The following USP48 variants were observed in gnomAD, a reference collection of about 807,000 sequenced individuals.
The protein encoded by USP48 is ubiquitin carboxyl-terminal hydrolase 48.
USP48 carries 43 observed loss-of-function variants against 150.7 expected under a neutral mutation model. The observed-to-expected ratio is 0.29, with a 90% confidence interval of 0.22 to 0.37. USP48 has a LOEUF of 0.37. Ranked by LOEUF, USP48 falls within the 10% of genes least tolerant of loss-of-function variation. The probability of loss-of-function intolerance (pLI) is 1.00; values close to 1 mark genes in which losing one functional copy is unlikely to be tolerated. For missense variants in USP48, 813 were observed against 1,249.6 expected (o/e 0.65, Z 5.27); for synonymous variants, 396 against 425.9 (o/e 0.93, Z 0.86).
At position 21,705,823 on chromosome 1, in the gene USP48, C is replaced by T. The variant is rs368591171; in HGVS notation, c.2288G>A (p.Cys763Tyr). The change falls in exon 19 of 27, where the codon TGC becomes TAC. Residue 763 changes from cysteine to tyrosine, a missense_variant. Physicochemically the swap from Cys to Tyr is radical, Grantham distance 194. Transcript: ENST00000308271. ...GTTCCCAACTGATGACACAGGGCTGCATCTTGTAGGCTTTCTACTCAAATG... is the reference window on the plus strand; with the variant it reads ...GTTCCCAACTGATGACACAGGGCTGTATCTTGTAGGCTTTCTACTCAAATG... ...WRKFVRKPTR[C>Y]SPVSSVGNSA... is the part of the protein sequence containing the mutation. 6.2e-7 allele frequency: 1 copy of T among 1,603,936 alleles called. No individual in the cohort carries two copies. Among genetic ancestry groups the T allele is most frequent in the Non-Finnish European group, 8.5e-7 (1 of 1,176,872 alleles).
intron 12 of USP48, among the ~76,000 whole-genome samples, chr1:21,723,195 T>C (rs1234668634): frequency 2.6e-5 from 4 of 152,024 alleles, no homozygotes; most frequent in Admixed American, 6.6e-5. Flanking sequence ...ATAAACTAAG[T>C]AACCATCTAC....
intron 25 of USP48, among the ~76,000 whole-genome samples, chr1:21,684,298 T>C (rs2097574898): frequency 1.3e-5 from 2 of 152,250 alleles, no homozygotes; most frequent in African/African-American, 2.4e-5. Flanking sequence ...TTACATGTTA[T>C]TGTCTTTTTG....
rs1375826023 is a variant in USP48, at chr1:21,753,085, C to T, written c.447G>A (p.Gln149=). The T allele has an allele frequency of 6.2e-7, 1 of 1,610,386 alleles. No individual in the cohort carries two copies. The highest frequency in any genetic ancestry group is 1.3e-5 in the African/African-American group (1 of 74,808). The change falls in exon 4 of 27, where the codon CAG becomes CAA. Residue 149 remains glutamine, a synonymous_variant. Transcript: ENST00000308271. ...YEPQTICEHL[Q]YLFALLQNSN... ...TGTTTTGCAACAAGGCAAACAAGTACTGGAGATGCTCACAAATTGTTTGAG... is the reference window on the plus strand; with the variant it reads ...TGTTTTGCAACAAGGCAAACAAGTATTGGAGATGCTCACAAATTGTTTGAG...
intron 14 of USP48, among the ~76,000 whole-genome samples, chr1:21,719,630 C>T (rs893665222): frequency 6.6e-6 from 1 of 152,088 alleles, no homozygotes; most frequent in Non-Finnish European, 1.5e-5. Context: ...GTGGCTCACG[C>T]CTGTAATCCC....
chr1:21,700,658 G>C (rs2097652829), intron 22 of USP48, among the ~76,000 whole-genome samples: 1 of 152,318 alleles, frequency 6.6e-6, no homozygotes, highest in East Asian at 1.9e-4. Context: ...ATAAAACTTT[G>C]AGTAGAAAAT....
intron 14 of USP48, among the ~76,000 whole-genome samples, chr1:21,717,679 C>T (rs1396701154): frequency 2.0e-5 from 3 of 152,122 alleles, no homozygotes; most frequent in Non-Finnish European, 4.4e-5. Context: ...ATGTGACTGC[C>T]GGGCACGGTG....
intron 1 of USP48, among the ~76,000 whole-genome samples, chr1:21,771,153 T>C (rs200266505): frequency 2.0e-5 from 3 of 151,726 alleles, no homozygotes; most frequent in Non-Finnish European, 2.9e-5. Context: ...AATAATTTTT[T>C]AAGTAAATTT....
At chr1:21,697,377 G>C (rs773123259) in intron 22 of USP48, among the ~76,000 whole-genome samples, 2 of 151,886 alleles carry the variant, frequency 1.3e-5, no homozygotes, top group African/African-American at 4.8e-5. Flanking sequence ...TGAAAGAAAA[G>C]GTCAGGCCAG....
At chr1:21,743,951 A>AG (rs1455114237) in intron 8 of USP48, among the ~76,000 whole-genome samples, 1 of 152,232 alleles carries the variant, frequency 6.6e-6, no homozygotes, top group African/African-American at 2.4e-5. Flanking sequence ...ACTAAAAAAA[A>AG]GAAGTTGCTA....
intron 8 of USP48, among the ~76,000 whole-genome samples, chr1:21,743,435 G>A (rs1284535471): frequency 6.6e-6 from 1 of 152,164 alleles, no homozygotes; most frequent in Admixed American, 6.5e-5. Flanking sequence ...GGATCTGGGG[G>A]CATCACCAGT....
chr1:21,693,910 T>C (rs1019081234), intron 23 of USP48, among the ~76,000 whole-genome samples: 3 of 152,168 alleles, frequency 2.0e-5, no homozygotes, highest in Non-Finnish European at 1.5e-5. Flanking sequence ...CAATGATAAA[T>C]ATCAGCAACA....
At chr1:21,753,901 G>A (rs1235154339) in intron 3 of USP48, among the ~76,000 whole-genome samples, 2 of 148,218 alleles carry the variant, frequency 1.3e-5, no homozygotes, top group African/African-American at 5.0e-5. Flanking sequence ...AGTGGTTCAC[G>A]CCTGTAATCC....
At chr1:21,774,165 C>A (rs375255842) in intron 1 of USP48, among the ~76,000 whole-genome samples, 1 of 145,466 alleles carries the variant, frequency 6.9e-6, no homozygotes, top group African/African-American at 2.6e-5. Flanking sequence ...GGTGACAGAG[C>A]GAGACTCCGT....
At chr1:21,718,491 T>C (rs1299912579) in intron 14 of USP48, among the ~76,000 whole-genome samples, 1 of 151,930 alleles carries the variant, frequency 6.6e-6, no homozygotes, top group African/African-American at 2.4e-5. Context: ...TATGCCAACA[T>C]GAAGGCACTT....
intron 2 of USP48, 141 bp downstream of exon 2, chr1:21,757,520 TAG>T: frequency 1.3e-6 from 1 of 794,534 alleles, no homozygotes; most frequent in South Asian, 2.5e-5. Context: ...TCAAGTGGCT[TAG>T]AGTCTTAAGT....
intron 15 of USP48, among the ~76,000 whole-genome samples, chr1:21,707,750 A>C (rs2097676977): frequency 6.6e-6 from 1 of 152,232 alleles, no homozygotes; most frequent in Non-Finnish European, 1.5e-5. Context: ...CAGATTTATT[A>C]AGAGTAATAA....
At chr1:21,721,495 T>G (rs2097720837) in intron 13 of USP48, among the ~76,000 whole-genome samples, 155 bp downstream of exon 13, 1 of 152,210 alleles carries the variant, frequency 6.6e-6, no homozygotes, top group Non-Finnish European at 1.5e-5. Flanking sequence ...GGGCAGTCAT[T>G]GCAAAATTTA....
chr1:21,679,379 C>T lies in USP48; in HGVS notation c.*38G>A. The stretch of plus-strand genomic sequence containing the variant: ...CCTAACATGTCAAACTCCTCTTCCC[C>T]TCTGGTCATTTCTTAGCAGTCAGCA... On this transcript the variant is annotated 3_prime_UTR_variant, in exon 27 of 27. Transcript: ENST00000308271. 1 of 1,613,892 alleles carries T rather than the reference C, an allele frequency of 6.2e-7. No individual in the cohort carries two copies. Among genetic ancestry groups the T allele is most frequent in the Non-Finnish European group, 8.5e-7 (1 of 1,179,794 alleles).
chr1:21,734,373 T>G (rs779235847), intron 9 of USP48, among the ~76,000 whole-genome samples: 1 of 152,006 alleles, frequency 6.6e-6, no homozygotes, highest in Admixed American at 6.6e-5. Context: ...TACTCCAGCC[T>G]GGGCAACAGA....
Sources: gnomAD v4.1 joint callset for allele counts (sites outside exome capture counted in the v4.1 genomes callset) on GRCh38, gnomAD v4.1.1 for gene constraint, MANE v1.5 for transcripts, NCBI Gene and HGNC (gene_info 2026-07-23, HGNC 2026-07-21) for gene names.